GABRB1: variants seen among roughly 807,000 people sequenced by gnomAD.
GABRB1 encodes the protein gamma-aminobutyric acid receptor subunit beta-1.
Under a neutral mutation model 51.6 loss-of-function variants are expected in GABRB1, and 17 were observed. The observed-to-expected ratio is 0.33, with a 90% CI of 0.23 to 0.49. The LOEUF is 0.49. Among genes scored for constraint, GABRB1 ranks in the 20% least tolerant of loss-of-function variants. GABRB1 has a pLI of 0.99. For missense variants in GABRB1, 410 were observed against 600.6 expected (o/e 0.68, Z 3.32); for synonymous variants, 247 against 218.9 (o/e 1.13, Z -1.14).
intron 4 of GABRB1, among the ~76,000 whole-genome samples, chr4:47,243,324 G>A (rs1451146780): frequency 6.6e-6 from 1 of 152,180 alleles, no homozygotes; most frequent in East Asian, 1.9e-4. Context: ...GTAGCGTGAT[G>A]CCTCCAGCTT....
At chr4:47,075,286 T>C (rs1176115317) in intron 3 of GABRB1, among the ~76,000 whole-genome samples, 1 of 152,134 alleles carries the variant, frequency 6.6e-6, no homozygotes, top group Non-Finnish European at 1.5e-5. Flanking sequence ...GCAAATATTG[T>C]ATAAATGTAA....
intron 8 of GABRB1, among the ~76,000 whole-genome samples, chr4:47,415,668 A>G (rs1419446711): frequency 2.6e-5 from 4 of 152,164 alleles, no homozygotes; most frequent in African/African-American, 9.7e-5. Flanking sequence ...TCATCAGAGG[A>G]AGGTAGAATG....
intron 4 of GABRB1, among the ~76,000 whole-genome samples, chr4:47,274,888 T>C (rs969699146): frequency 6.6e-6 from 1 of 152,200 alleles, no homozygotes; most frequent in Non-Finnish European, 1.5e-5. Context: ...ACTTAGCTCC[T>C]GTCCAAATGG....
intron 1 of GABRB1, among the ~76,000 whole-genome samples, chr4:46,994,716 G>A (rs1480128203): frequency 6.6e-6 from 1 of 152,148 alleles, no homozygotes; most frequent in African/African-American, 2.4e-5. Flanking sequence ...AGGGGGAAAA[G>A]CGTCTTTCAA....
At chr4:47,126,847 C>CA (rs1433236679) in intron 3 of GABRB1, among the ~76,000 whole-genome samples, 2 of 151,878 alleles carry the variant, frequency 1.3e-5, no homozygotes, top group Non-Finnish European at 1.5e-5. Flanking sequence ...GAAAATATTG[C>CA]AGGAAGATTA....
chr4:47,180,941 TTCTC>T (rs1395688202), intron 4 of GABRB1, among the ~76,000 whole-genome samples: 1 of 151,968 alleles, frequency 6.6e-6, no homozygotes, highest in Non-Finnish European at 1.5e-5. Flanking sequence ...TTTTAGAATG[TTCTC>T]TCTATTATTG....
intron 3 of GABRB1, among the ~76,000 whole-genome samples, chr4:47,070,201 A>C (rs1257195648): frequency 6.6e-6 from 1 of 151,642 alleles, no homozygotes; most frequent in Non-Finnish European, 1.5e-5. Context: ...ATGCCCAGCT[A>C]ATTTTTGTAT....
At chr4:47,189,630 C>A (rs1299849920) in intron 4 of GABRB1, among the ~76,000 whole-genome samples, 4 of 151,770 alleles carry the variant, frequency 2.6e-5, no homozygotes, top group Admixed American at 2.6e-4. Context: ...ATCTGCCATG[C>A]TGTATTTTTA....
intron 1 of GABRB1, among the ~76,000 whole-genome samples, chr4:47,018,853 G>A (rs1233181549): frequency 6.6e-6 from 1 of 152,122 alleles, no homozygotes; most frequent in Non-Finnish European, 1.5e-5. Flanking sequence ...CTCAGGAATG[G>A]CAGAGGTGGA....
At chr4:47,375,282 G>C (rs947503529) in intron 5 of GABRB1, among the ~76,000 whole-genome samples, 1 of 152,222 alleles carries the variant, frequency 6.6e-6, no homozygotes, top group Non-Finnish European at 1.5e-5. Context: ...AGACAGATTT[G>C]AAAGAACCAA....
chr4:47,179,681 G>T (rs1381912192), intron 4 of GABRB1, among the ~76,000 whole-genome samples: 1 of 152,084 alleles, frequency 6.6e-6, no homozygotes, highest in Non-Finnish European at 1.5e-5. Context: ...TGCTCAGTTA[G>T]ATAGGCATGG....
intron 4 of GABRB1, among the ~76,000 whole-genome samples, chr4:47,262,775 C>G (rs1722491818): frequency 6.6e-6 from 1 of 151,984 alleles, no homozygotes; most frequent in African/African-American, 2.4e-5. Context: ...TTCACAATAG[C>G]AAAGACTTGG....
chr4:47,378,219 C>T (rs543313464), intron 5 of GABRB1, among the ~76,000 whole-genome samples: 14 of 152,322 alleles, frequency 9.2e-5, no homozygotes, highest in Admixed American at 5.2e-4. Flanking sequence ...TAAGGCCTGG[C>T]GAGAAATCGA....
Position 47,140,763 on chromosome 4 carries a change from G to GTT in GABRB1, c.241-20475_241-20474dup, listed in dbSNP as rs201968497. Among the ~76,000 whole-genome samples, 368 of 134,226 alleles carry GTT rather than the reference G, an allele frequency of 2.7e-3. 3 individuals are homozygous for GTT. The highest frequency in any genetic ancestry group is 9.7e-3 in the African/African-American group (358 of 36,918). 88.1% of individuals were successfully genotyped at this position (134,226 alleles called of 152,430 possible). A position where few individuals can be genotyped will look rare whatever the true frequency, so the allele number is the denominator to read the frequency against. On this transcript the variant is annotated intron_variant, in intron 3 of 8. Coordinates refer to ENST00000295454, the MANE Select transcript of GABRB1 (RefSeq NM_000812.4). The stretch of plus-strand genomic sequence containing the variant: ...CCTGTGTGGTTAAGAGTTGTTTTTT[G>GTT]TTTTTTTTTTTTCCTAAAAGACCAG...
At chr4:47,132,125 C>T (rs1203320509) in intron 3 of GABRB1, among the ~76,000 whole-genome samples, 1 of 152,158 alleles carries the variant, frequency 6.6e-6, no homozygotes, top group Non-Finnish European at 1.5e-5. Flanking sequence ...CTATTCCTAA[C>T]ACACTGCATT....
chr4:47,013,049 C>A (rs1290494738), intron 1 of GABRB1, among the ~76,000 whole-genome samples: 1 of 151,990 alleles, frequency 6.6e-6, no homozygotes, highest in South Asian at 2.1e-4. Context: ...TGGGCATATA[C>A]CTTGCTTTTA....
At chr4:47,019,625 C>CTCTCTT (rs1274221477) in intron 1 of GABRB1, among the ~76,000 whole-genome samples, 1 of 91,104 alleles carries the variant, frequency 1.1e-5, no homozygotes. Context: ...TTCTTTCTCT[C>CTCTCTT]TCTTTCTTTC....
chr4:47,281,120 G>A (rs533820588), intron 4 of GABRB1, among the ~76,000 whole-genome samples: 8 of 152,128 alleles, frequency 5.3e-5, no homozygotes, highest in African/African-American at 1.9e-4. Context: ...TATTGACTGG[G>A]AAAACAATAT....
chr4:47,354,287 A>T (rs1186110176), intron 5 of GABRB1, among the ~76,000 whole-genome samples: 1 of 148,644 alleles, frequency 6.7e-6, no homozygotes, highest in Non-Finnish European at 1.5e-5. Flanking sequence ...TTTTTATTAT[A>T]CTTATATTTA....
Sources: gnomAD v4.1 joint callset for allele counts (sites outside exome capture counted in the v4.1 genomes callset) on GRCh38, gnomAD v4.1.1 for gene constraint, MANE v1.5 for transcripts, NCBI Gene and HGNC (gene_info 2026-07-23, HGNC 2026-07-21) for gene names.